FAM120A: variants seen among roughly 807,000 people sequenced by gnomAD.
FAM120A encodes constitutive coactivator of PPAR-gamma-like protein 1.
FAM120A carries 15 observed loss-of-function variants against 109.7 expected under a neutral mutation model. That is an observed-to-expected ratio of 0.14 (90% CI 0.09 to 0.21). The LOEUF (loss-of-function observed/expected upper bound fraction) is 0.21. Ranked by LOEUF, FAM120A falls within the 10% of genes least tolerant of loss-of-function variation. The pLI is 1.00. For synonymous variants in FAM120A, 493 were observed against 572.8 expected (o/e 0.86, Z 1.99); for missense variants, 899 against 1,439.3 (o/e 0.62, Z 6.07).
chr9:93,456,629 A>G (rs1425917792), intron 1 of FAM120A, among the ~76,000 whole-genome samples: 1 of 152,164 alleles, frequency 6.6e-6, no homozygotes, highest in East Asian at 1.9e-4. Flanking sequence ...CCCATTTTTC[A>G]TGTGTAAAAA....
chr9:93,501,585 C>T (rs1163703564), intron 5 of FAM120A, among the ~76,000 whole-genome samples: 2 of 152,224 alleles, frequency 1.3e-5, no homozygotes, highest in Non-Finnish European at 2.9e-5. Flanking sequence ...ACAGCATTCC[C>T]TGATGCTTCT....
intron 10 of FAM120A, 109 bp from the exon 11 acceptor site, chr9:93,543,113 C>T (rs1452378400): frequency 6.5e-6 from 9 of 1,376,154 alleles, no homozygotes; most frequent in Admixed American, 2.1e-5. Flanking sequence ...TGCATTGTTA[C>T]CTGAGAGGCG....
chr9:93,477,763 C>T (rs1858610414), intron 3 of FAM120A, among the ~76,000 whole-genome samples: 1 of 152,152 alleles, frequency 6.6e-6, no homozygotes, highest in African/African-American at 2.4e-5. Context: ...TTAAACTAGC[C>T]CTGCTTCATA....
intron 9 of FAM120A, among the ~76,000 whole-genome samples, chr9:93,531,938 A>G (rs1456632425): frequency 2.0e-5 from 3 of 152,212 alleles, no homozygotes; most frequent in South Asian, 4.1e-4. Flanking sequence ...ACATAAAATG[A>G]TGTAGATTTT....
At chr9:93,479,296 C>T (rs1019941745) in intron 3 of FAM120A, among the ~76,000 whole-genome samples, 2 of 151,890 alleles carry the variant, frequency 1.3e-5, no homozygotes, top group Non-Finnish European at 2.9e-5. Context: ...GACGGGGTTT[C>T]ACCGTTTTAG....
chr9:93,554,716 C>CTT (rs150573935), intron 12 of FAM120A, among the ~76,000 whole-genome samples: 3,282 of 152,250 alleles, frequency 0.022, 114 homozygotes, highest in African/African-American at 0.074. Flanking sequence ...GCTGCATGTG[C>CTT]TTACACAAAG....
At position 93,484,534 on chromosome 9, in the gene FAM120A, A is replaced by G. The variant is rs115985873; in HGVS notation, c.804+8196A>G. On this transcript the variant is annotated intron_variant, in intron 3 of 17. Coordinates refer to ENST00000277165, the MANE Select transcript of FAM120A (RefSeq NM_014612.5). ...GGGAGAGAACTAGAGTAGAGCAAGC[A>G]AAGAGAAGCTCAGCAATAGTGTCTT... is the stretch of plus-strand genomic sequence containing the variant. Among the ~76,000 whole-genome samples, 1,007 of 152,318 alleles carry G rather than the reference A, an allele frequency of 6.6e-3. 13 individuals are homozygous for G. Among genetic ancestry groups the G allele is most frequent in the African/African-American group, 0.023 (967 of 41,568 alleles).
chr9:93,511,561 G>A (rs1860323431), intron 5 of FAM120A, among the ~76,000 whole-genome samples: 1 of 152,240 alleles, frequency 6.6e-6, no homozygotes, highest in South Asian at 2.1e-4. Context: ...ACGGGAACAG[G>A]TCACATGACA....
chr9:93,516,333 G>C, intron 7 of FAM120A, 64 bp downstream of exon 7: 2 of 1,588,880 alleles, frequency 1.3e-6, no homozygotes, highest in Admixed American at 3.4e-5. Context: ...GCTGCCTTCT[G>C]GCCTGCCAGC....
intron 7 of FAM120A, among the ~76,000 whole-genome samples, chr9:93,523,691 G>T (rs1860942940): frequency 6.6e-6 from 1 of 152,204 alleles, no homozygotes; most frequent in Non-Finnish European, 1.5e-5. Flanking sequence ...ACCAGTTGGG[G>T]CTTCTTGGTC....
rs150432931 is a variant in FAM120A at position 93,511,485 on chromosome 9, C to T, written c.1031-4182C>T. 6.8e-3 allele frequency among the ~76,000 whole-genome samples: 1,029 copies of T among 152,352 alleles called. 15 individuals are homozygous for T. The highest frequency in any genetic ancestry group is 0.024 in the African/African-American group (992 of 41,576). ...CTCCTCTCCCTATAGGATGGCCAGA[C>T]GCCGCGCCCTCCCACTGTGCTCCAA... On this transcript the variant is annotated intron_variant, in intron 5 of 17. Transcript: ENST00000277165.
At chr9:93,480,274 G>C (rs1858740387) in intron 3 of FAM120A, among the ~76,000 whole-genome samples, 1 of 152,238 alleles carries the variant, frequency 6.6e-6, no homozygotes, top group South Asian at 2.1e-4. Context: ...TTAGGGGTCA[G>C]ATAGCTTCTA....
At chr9:93,504,495 T>C (rs1010820185) in intron 5 of FAM120A, among the ~76,000 whole-genome samples, 12 of 152,378 alleles carry the variant, frequency 7.9e-5, no homozygotes, top group African/African-American at 2.9e-4. Context: ...TGCTTCTCTA[T>C]ATAATTTTAT....
Position 93,505,051 on chromosome 9 carries a change from G to GTTTTT in FAM120A, c.1030+6188_1030+6192dup, listed in dbSNP as rs768552939. On this transcript the variant is annotated intron_variant, in intron 5 of 17. Transcript: ENST00000277165. ...ATGCTTGTTCATGTTGTTCGCTTGT[G>GTTTTT]TTTTTTTTTTTTTTTTTTTTTTTTT... 2.1e-4 allele frequency among the ~76,000 whole-genome samples: 17 copies of GTTTTT among 81,324 alleles called. 4 individuals are homozygous for GTTTTT. In the East Asian group the frequency reaches 2.3e-3, roughly 11 times the overall value. The allele number at this position is 81,324 out of a possible 152,430, so 53.4% of individuals were successfully genotyped here.
rs1858080310 is a variant in FAM120A at position 93,467,254 on chromosome 9, C to CG, written c.475-3887_475-3886insG. Reference sequence around the variant, plus strand: ...TTGCCAGATCTGCTGTCACCCCCCCCCCCCTTTTCCCCCATTGAATAACTG... The same window carrying CG: ...TTGCCAGATCTGCTGTCACCCCCCCCGCCCCTTTTCCCCCATTGAATAACTG... On this transcript the variant is annotated intron_variant, in intron 1 of 17. Coordinates refer to ENST00000277165, the MANE Select transcript of FAM120A (RefSeq NM_014612.5). 3.6e-5 allele frequency among the ~76,000 whole-genome samples: 4 copies of CG among 111,616 alleles called. 1 individual carries two copies. Among genetic ancestry groups the CG allele is most frequent in the Admixed American group, 8.5e-5 (1 of 11,750 alleles). 73.2% of individuals were successfully genotyped at this position (111,616 alleles called of 152,430 possible).
At chr9:93,454,522 G>A (rs1305874279) in intron 1 of FAM120A, among the ~76,000 whole-genome samples, 2 of 152,180 alleles carry the variant, frequency 1.3e-5, no homozygotes, top group Admixed American at 6.5e-5. Flanking sequence ...AACAAGCTTG[G>A]TTATCTATTT....
At chr9:93,471,484 G>A (rs1451826256) in intron 2 of FAM120A, 97 bp downstream of exon 2, 9 of 1,462,506 alleles carry the variant, frequency 6.2e-6, no homozygotes, top group Middle Eastern at 2.2e-4. Flanking sequence ...TTTTGGATAT[G>A]TATCACACAT....
chr9:93,505,364 C>G (rs563338045), intron 5 of FAM120A, among the ~76,000 whole-genome samples: 1 of 152,050 alleles, frequency 6.6e-6, no homozygotes, highest in African/African-American at 2.4e-5. Context: ...CCGGCCTGTT[C>G]GCTTGTGTTT....
chr9:93,499,038 A>G (rs1859691347), intron 5 of FAM120A, 152 bp downstream of exon 5: 1 of 632,662 alleles, frequency 1.6e-6, no homozygotes, highest in African/African-American at 1.8e-5. Context: ...GGGCAGACTC[A>G]GTAGCAATCC....
Sources: allele counts gnomAD v4.1 joint callset (sites outside exome capture counted in the v4.1 genomes callset), GRCh38; gene constraint gnomAD v4.1.1; transcripts MANE v1.5; gene names NCBI Gene and HGNC (gene_info 2026-07-23, HGNC 2026-07-21).